Variants in FDXR observed in about 807,000 individuals in gnomAD.
FDXR encodes ferredoxin reductase, also known as NADPH:adrenodoxin oxidoreductase, mitochondrial.
Under a neutral mutation model 58.3 loss-of-function variants are expected in FDXR, and 38 were observed. The ratio of observed to expected loss-of-function variants is 0.65; its 90% CI spans 0.50 to 0.85. The LOEUF (loss-of-function observed/expected upper bound fraction) is 0.85, where lower values mean the gene tolerates loss of function less well. Ranked by LOEUF, FDXR falls within the 40% of genes least tolerant of loss-of-function variation. The pLI, the probability that FDXR is intolerant of heterozygous loss-of-function variation, is 0.00. For synonymous variants in FDXR, 275 were observed against 273.8 expected, an observed-to-expected ratio of 1.00 and a Z score of -0.04; for missense variants, 624 against 671.0, an observed-to-expected ratio of 0.93 and a Z score of 0.77.
At chr17:74,872,726 C>G in intron 1 of FDXR, 140 bp downstream of exon 1, 2 of 1,517,518 alleles carry the variant, frequency 1.3e-6, no homozygotes, top group Non-Finnish European at 1.8e-6. Flanking sequence ...CCCCCGTACA[C>G]CACCGGGATC....
Position 74,868,655 on chromosome 17 carries a change from C to T in FDXR, c.178-1779G>A. 5 of 1,535,602 alleles carry T rather than the reference C, an allele frequency of 3.3e-6. No homozygotes were observed. The East Asian group carries it at 1.2e-4, about 38-fold the overall frequency. ...CTAAGTCTGCCGGATGTTCTTACCCCTTATCTCTCGTGGCTGACCTCATCT... is the reference window on the plus strand; with the variant it reads ...CTAAGTCTGCCGGATGTTCTTACCCTTTATCTCTCGTGGCTGACCTCATCT... On this transcript the variant is annotated intron_variant, in intron 2 of 11. Transcript: ENST00000293195.
In FDXR at chr17:74,866,932, C is replaced by T. The variant is rs571352158; in HGVS notation, c.178-56G>A. The T allele has an allele frequency of 1.2e-4, 197 of 1,581,054 alleles. No individual in the cohort carries two copies. The African/African-American group carries it at 2.3e-3, about 19-fold the overall frequency. The stretch of plus-strand genomic sequence containing the variant: ...GCCGAGAGAGAGAGGCTGGGACGCC[C>T]CCAGGTCCTCCCCTTCCCCAGACAG... On this transcript the variant is annotated intron_variant, in intron 2 of 11. Transcript: ENST00000293195.
At chr17:74,868,771 CCCCCCTCCCTCCTCCCTGAGGATTTAA>C in intron 2 of FDXR, 1 of 1,472,856 alleles carries the variant, frequency 6.8e-7, no homozygotes. Context: ...TTCCGATTGG[CCCCCCTCCCTCCTCCCTGAGGATTTAA>C]CCCACTCCCT....
chr17:74,866,928 C>T (rs771102832), intron 2 of FDXR, 52 bp from the exon 3 acceptor site: 31 of 1,587,084 alleles, frequency 2.0e-5, no homozygotes, highest in African/African-American at 6.7e-5. Flanking sequence ...GAGGCTGGGA[C>T]GCCCCCAGGT....
chr17:74,868,413 CAAG>C (rs1426526606), intron 2 of FDXR: 2 of 718,336 alleles, frequency 2.8e-6, no homozygotes, highest in South Asian at 3.0e-5. Context: ...AGTGTTCAAT[CAAG>C]AAGAGAGCTA....
intron 2 of FDXR, chr17:74,868,161 C>A (rs898270175): frequency 5.6e-5 from 14 of 250,044 alleles, no homozygotes; most frequent in African/African-American, 3.1e-4. Flanking sequence ...TCCTGCCTCT[C>A]TCCATCCCAG....
intron 1 of FDXR, chr17:74,872,477 G>T (rs757135488): frequency 1.3e-5 from 8 of 629,330 alleles, no homozygotes; most frequent in Non-Finnish European, 2.2e-5. Flanking sequence ...GTCTCCCCAC[G>T]GTGTCCCTCC....
Position 74,872,281 on chromosome 17 carries a change from T to C in FDXR, c.80-148A>G, listed in dbSNP as rs1598543087. ...CTCTTGTTCCTCAAGGCTTTGGCAT[T>C]TGCAGGGTCTCTTACTTCATCTGAA... On this transcript the variant is annotated intron_variant, in intron 1 of 11. Transcript: ENST00000293195. 5 of 1,536,994 alleles carry C rather than the reference T, an allele frequency of 3.3e-6. No individual in the cohort carries two copies. In the East Asian group the frequency reaches 9.8e-5, roughly 30 times the overall value.
chr17:74,870,319 C>G (rs1481564054), intron 2 of FDXR, among the ~76,000 whole-genome samples: 1 of 152,038 alleles, frequency 6.6e-6, no homozygotes, highest in Non-Finnish European at 1.5e-5. Flanking sequence ...GAGTTCAAAA[C>G]CAGCCTGATC....
rs544033481 is a variant in FDXR at position 74,866,861 on chromosome 17, C to T, written c.193G>A (p.Val65Met). 1.5e-5 allele frequency: 24 copies of T among 1,614,080 alleles called. No homozygotes were observed. The highest frequency in any genetic ancestry group is 8.8e-5 in the South Asian group (8 of 91,062). The change falls in exon 3 of 12, where the codon GTG becomes ATG. Residue 65 changes from valine (V) to methionine (M), a missense_variant. Val to Met is a conservative substitution (Grantham distance 21). Transcript: ENST00000293195. ...QHLLKHPQAH[V>M]DIYEKQPVPF... ...ACAGGCTGTTTCTCGTAGATGTCCA[C>T]GTGGGCCTGGGGGTGCTGCTGGGGA...
chr17:74,869,659 C>T (rs369737485), intron 2 of FDXR, among the ~76,000 whole-genome samples: 6 of 152,264 alleles, frequency 3.9e-5, no homozygotes, highest in East Asian at 3.9e-4. Context: ...CCCCTCCCCG[C>T]ACCCCAGTCT....
chr17:74,865,931 C>T (rs1452057445), intron 5 of FDXR, 111 bp from the exon 6 acceptor site: 27 of 954,006 alleles, frequency 2.8e-5, no homozygotes, highest in East Asian at 1.0e-4. Flanking sequence ...TTCCCCACAC[C>T]GGGAAAGTCC....
intron 2 of FDXR, chr17:74,868,702 C>T: frequency 1.3e-6 from 2 of 1,530,422 alleles, no homozygotes; most frequent in East Asian, 2.4e-5. Context: ...TCCTTCCTTC[C>T]TTCCCTCCCT....
intron 2 of FDXR, chr17:74,868,765 G>A (rs1316892640): frequency 2.0e-5 from 30 of 1,476,492 alleles, no homozygotes; most frequent in Admixed American, 8.6e-5. Flanking sequence ...AGGTTCTTCC[G>A]ATTGGCCCCC....
intron 6 of FDXR, among the ~76,000 whole-genome samples, chr17:74,865,143 A>G (rs1488603859): frequency 6.6e-6 from 1 of 152,172 alleles, no homozygotes; most frequent in Non-Finnish European, 1.5e-5. Context: ...TTCAACAAGT[A>G]TGTAGTGGGC....
At position 74,862,747 on chromosome 17, in the gene FDXR, C is replaced by G. The variant is rs948578098; in HGVS notation, c.*70G>C. On this transcript the variant is annotated 3_prime_UTR_variant, in exon 12 of 12. Coordinates refer to ENST00000293195, the MANE Select transcript of FDXR (RefSeq NM_024417.5). ...ATCAGCAGAGGTGCAAAGTCCCACT[C>G]AGACGGACCCAGCCCTTCCCCTCCC... The G allele has an allele frequency of 4.6e-6, 7 of 1,532,638 alleles. No homozygotes were observed. The highest frequency in any genetic ancestry group is 3.7e-5 in the South Asian group (3 of 81,726). 94.9% of individuals were successfully genotyped at this position (1,532,638 alleles called of 1,614,324 possible).
Position 74,872,095 on chromosome 17 carries a change from G to A in FDXR, c.118C>T (p.Gln40Ter). 6.2e-7 allele frequency: 1 copy of A among 1,607,048 alleles called. No homozygotes were observed. Among genetic ancestry groups the A allele is most frequent in the East Asian group, 2.2e-5 (1 of 44,838 alleles). The change falls in exon 2 of 12, where the codon CAG (glutamine) becomes TAG (stop). Residue 40 changes from glutamine to a stop codon, truncating the protein, a stop_gained. Coordinates refer to ENST00000293195, the MANE Select transcript of FDXR (RefSeq NM_024417.5). LOFTEE classifies it high-confidence loss of function. Reference sequence around the variant, plus strand: ...GGGCCACTGCCCACCACACAGATCTGGGGGGTCTTCTCCTGTGTGGAGAAA... The same window carrying A: ...GGGCCACTGCCCACCACACAGATCTAGGGGGTCTTCTCCTGTGTGGAGAAA... The part of the protein sequence containing the change: ...HHFSTQEKTP[Q>*]ICVVGSGPAG...
Position 74,865,839 on chromosome 17 carries a change from G to T in FDXR, c.508-19C>A, listed in dbSNP as rs77667525. ...GCTCCAGCTGGAGGGGAAAGGTCTT[G>T]ATAGGGTCCCCCAGCCTCGCTCCAC... On this transcript the variant is annotated intron_variant, in intron 5 of 11. Transcript: ENST00000293195. 1.3e-6 allele frequency: 2 copies of T among 1,592,768 alleles called. No homozygotes were observed. Among genetic ancestry groups the T allele is most frequent in the African/African-American group, 1.3e-5 (1 of 74,544 alleles).
Position 74,862,711 on chromosome 17 carries a change from G to A in FDXR, c.*106C>T. The A allele has an allele frequency of 7.0e-7, 1 of 1,430,094 alleles. No homozygotes were observed. The highest frequency in any genetic ancestry group is 9.3e-7 in the Non-Finnish European group (1 of 1,074,294). The allele number at this position is 1,430,094 out of a possible 1,614,324, so 88.6% of individuals were successfully genotyped here. A position where few individuals can be genotyped will look rare whatever the true frequency, so the allele number is the denominator to read the frequency against. Reference sequence around the variant, plus strand: ...AAGAGCAGCCAAGCCTCCAAGCCAGGGCCGGCCGGGATCAGCAGAGGTGCA... The same window carrying A: ...AAGAGCAGCCAAGCCTCCAAGCCAGAGCCGGCCGGGATCAGCAGAGGTGCA... On this transcript the variant is annotated 3_prime_UTR_variant, in exon 12 of 12. Coordinates refer to ENST00000293195, the MANE Select transcript of FDXR (RefSeq NM_024417.5).
Sources: gnomAD v4.1 joint callset for allele counts (sites outside exome capture counted in the v4.1 genomes callset) on GRCh38, gnomAD v4.1.1 for gene constraint, MANE v1.5 for transcripts, NCBI Gene and HGNC (gene_info 2026-07-23, HGNC 2026-07-21) for gene names.